The following DNAH11 variants were observed in gnomAD, a reference collection of about 807,000 sequenced individuals.
DNAH11 encodes dynein axonemal heavy chain 11.
Under a neutral mutation model 526.0 loss-of-function variants are expected in DNAH11, and 442 were observed. The observed-to-expected ratio is 0.84, with a 90% CI of 0.78 to 0.91. The LOEUF is 0.91. Ranked by LOEUF, DNAH11 falls within the 40% of genes least tolerant of loss-of-function variation. DNAH11 has a pLI of 0.00. For missense variants in DNAH11, 6,989 were observed against 5,448.7 expected (o/e 1.28, Z -8.90); for synonymous variants, 2,461 against 1,935.9 (o/e 1.27, Z -7.12).
chr7:21,879,158 A>G lies in DNAH11; in HGVS notation c.12196-1544A>G, dbSNP rs377474684. ...TTTCCATCTGCGTTCTTAAAAAAAA[A>G]TCTCACAGGTCTAGGCTGGGCACAG... On this transcript the variant is annotated intron_variant, in intron 74 of 81. Coordinates refer to ENST00000409508, the MANE Select transcript of DNAH11 (RefSeq NM_001277115.2). 3.3e-5 allele frequency among the ~76,000 whole-genome samples: 5 copies of G among 152,254 alleles called. No homozygotes were observed. The South Asian group carries it at 6.2e-4, about 19-fold the overall frequency.
chr7:21,875,647 C>T (rs1052924564), intron 74 of DNAH11, among the ~76,000 whole-genome samples: 1 of 151,944 alleles, frequency 6.6e-6, no homozygotes, highest in Non-Finnish European at 1.5e-5. Context: ...GGCAACAGAG[C>T]GAGACACTGT....
In DNAH11 at chr7:21,764,702, C is replaced by T. The variant is rs549646894; in HGVS notation, c.8941-726C>T. Among the ~76,000 whole-genome samples, 52 of 152,294 alleles carry T rather than the reference C, an allele frequency of 3.4e-4. No individual in the cohort carries two copies. The Middle Eastern group carries it at 0.01, about 30-fold the overall frequency. On this transcript the variant is annotated intron_variant, in intron 54 of 81. Coordinates refer to ENST00000409508, the MANE Select transcript of DNAH11 (RefSeq NM_001277115.2). ...GTGACCTACTGTCATAGCCAGATGT[C>T]ACAGCCACCCTCAGGACTCCGACAG...
chr7:21,765,658 A>ACT (rs1554278822), intron 55 of DNAH11, 69 bp downstream of exon 55: 5 of 1,362,764 alleles, frequency 3.7e-6, no homozygotes, highest in South Asian at 1.6e-5. Context: ...ACACACACAC[A>ACT]CTCTGAAAAT....
chr7:21,818,821 A>G (rs1789928069), intron 65 of DNAH11, among the ~76,000 whole-genome samples: 1 of 152,166 alleles, frequency 6.6e-6, no homozygotes, highest in African/African-American at 2.4e-5. Flanking sequence ...AGGAGAGTTC[A>G]TTAGTGGGTC....
At chr7:21,891,449 C>A (rs745930291) in intron 76 of DNAH11, among the ~76,000 whole-genome samples, 2 of 152,132 alleles carry the variant, frequency 1.3e-5, no homozygotes, top group Non-Finnish European at 2.9e-5. Context: ...AAAGAGCAAT[C>A]AGGGAAAAAT....
intron 73 of DNAH11, among the ~76,000 whole-genome samples, chr7:21,869,931 A>G (rs1783432553): frequency 6.6e-6 from 1 of 152,164 alleles, no homozygotes; most frequent in Admixed American, 6.5e-5. Context: ...CACCTGAGGA[A>G]TGTGCTGACT....
At chr7:21,614,916 A>G (rs762613875) in intron 20 of DNAH11, among the ~76,000 whole-genome samples, 198 bp from the exon 21 acceptor site, 1 of 152,236 alleles carries the variant, frequency 6.6e-6, no homozygotes, top group Non-Finnish European at 1.5e-5. Flanking sequence ...TGTGTTTAAC[A>G]GTAATCTGTT....
Position 21,591,458 on chromosome 7 carries a change from C to T in DNAH11, c.2548C>T (p.Pro850Ser). 2 of 1,613,932 alleles carry T rather than the reference C, an allele frequency of 1.2e-6. No individual in the cohort carries two copies. Among genetic ancestry groups the T allele is most frequent in the South Asian group, 2.2e-5 (2 of 91,076 alleles). Residue 850 changes from proline (P) to serine (S), a missense_variant, in exon 14 of 82, where the codon CCT becomes TCT. Physicochemically the swap from Pro to Ser is moderately conservative, Grantham distance 74. Transcript: ENST00000409508. ...GAGGGGCTGGGCCAGGTGCGTGCTA[C>T]CTCCCAGGAGAGAGCACAGACGAGA... is the stretch of plus-strand genomic sequence containing the variant. ...TMRGWARCVL[P>S]PRREHRREAA... is the part of the protein sequence containing the mutation.
chr7:21,788,245 T>C (rs957568406), intron 60 of DNAH11, among the ~76,000 whole-genome samples: 3 of 152,204 alleles, frequency 2.0e-5, no homozygotes, highest in Admixed American at 1.3e-4. Flanking sequence ...TTGTATGTTA[T>C]ATTCAAATAT....
chr7:21,901,297 G>C lies in DNAH11; in HGVS notation c.*43G>C. On this transcript the variant is annotated 3_prime_UTR_variant, in exon 82 of 82. Coordinates refer to ENST00000409508, the MANE Select transcript of DNAH11 (RefSeq NM_001277115.2). ...TCTAGCCTCTGCTGGAGTGCAGTGA[G>C]GATTTTCTAGCATGTTGCTGCACTG... 4 of 1,553,182 alleles carry C rather than the reference G, an allele frequency of 2.6e-6. No homozygotes were observed. The highest frequency in any genetic ancestry group is 2.6e-6 in the Non-Finnish European group (3 of 1,150,588).
chr7:21,850,152 T>C (rs1256562237), intron 66 of DNAH11, among the ~76,000 whole-genome samples: 9 of 151,666 alleles, frequency 5.9e-5, no homozygotes, highest in Admixed American at 2.0e-4. Flanking sequence ...GTCAGGAGAT[T>C]GAGACCATCC....
At chr7:21,849,156 A>C (rs1269728828) in intron 66 of DNAH11, among the ~76,000 whole-genome samples, 1 of 152,212 alleles carries the variant, frequency 6.6e-6, no homozygotes, top group African/African-American at 2.4e-5. Flanking sequence ...AAGTGCTGGG[A>C]TTACGGGCAT....
At chr7:21,584,861 A>G (rs1784431709) in intron 9 of DNAH11, among the ~76,000 whole-genome samples, 1 of 151,978 alleles carries the variant, frequency 6.6e-6, no homozygotes, top group Non-Finnish European at 1.5e-5. Context: ...TTATAACAGA[A>G]TTCAAGTATT....
At chr7:21,684,814 C>T (rs1344132547) in intron 32 of DNAH11, among the ~76,000 whole-genome samples, 1 of 152,228 alleles carries the variant, frequency 6.6e-6, no homozygotes, top group Non-Finnish European at 1.5e-5. Flanking sequence ...GAATATGTCA[C>T]ATTGACGGGA....
At chr7:21,764,644 G>A (rs961784572) in intron 54 of DNAH11, among the ~76,000 whole-genome samples, 9 of 152,134 alleles carry the variant, frequency 5.9e-5, no homozygotes, top group Admixed American at 2.0e-4. Flanking sequence ...AAGCACACAG[G>A]AGCTGACCAG....
intron 56 of DNAH11, 52 bp from the exon 57 acceptor site, chr7:21,778,906 G>A: frequency 1.9e-6 from 3 of 1,587,442 alleles, no homozygotes; most frequent in Non-Finnish European, 2.6e-6. Context: ...GCTCTATCTG[G>A]GATTTGTTGT....
intron 75 of DNAH11, among the ~76,000 whole-genome samples, chr7:21,881,119 T>C (rs908960562): frequency 6.6e-6 from 1 of 151,048 alleles, no homozygotes. Flanking sequence ...ATCAGCAGCT[T>C]AGTGTAAAAA....
chr7:21,578,296 AAG>A (rs1341241493), intron 8 of DNAH11, among the ~76,000 whole-genome samples: 4 of 152,246 alleles, frequency 2.6e-5, no homozygotes, highest in African/African-American at 9.6e-5. Context: ...GGCCAAAACA[AAG>A]GGGCTACAGG....
At chr7:21,826,425 G>C (rs544466248) in intron 65 of DNAH11, among the ~76,000 whole-genome samples, 1 of 152,072 alleles carries the variant, frequency 6.6e-6, no homozygotes, top group Non-Finnish European at 1.5e-5. Flanking sequence ...AAATATAAAA[G>C]AAAATTAAGG....
Sources: gnomAD v4.1 joint callset for allele counts (sites outside exome capture counted in the v4.1 genomes callset) on GRCh38, gnomAD v4.1.1 for gene constraint, MANE v1.5 for transcripts, NCBI Gene and HGNC (gene_info 2026-07-23, HGNC 2026-07-21) for gene names.